The following MON2 variants were observed in gnomAD, a reference collection of about 807,000 sequenced individuals.
MON2 encodes the protein MON2 regulator of endosome-to-Golgi trafficking, also known as protein MON2 homolog.
A neutral mutation model predicts 208.6 loss-of-function variants in MON2; 84 were observed. The observed-to-expected ratio is 0.40, with a 90% CI of 0.34 to 0.48. The LOEUF (loss-of-function observed/expected upper bound fraction) is 0.48, where lower values mean the gene tolerates loss of function less well. MON2 is among the 20% of genes least tolerant of loss of function. MON2 has a pLI of 0.59. For missense variants in MON2, 1,611 were observed against 2,015.4 expected (o/e 0.80, Z 3.84); for synonymous variants, 660 against 694.0 (o/e 0.95, Z 0.77).
chr12:62,497,049 T>G (rs2070537349), intron 4 of MON2, among the ~76,000 whole-genome samples: 1 of 141,950 alleles, frequency 7.0e-6, no homozygotes. Context: ...CAGTAAACTA[T>G]CGCAAGAACA....
intron 22 of MON2, among the ~76,000 whole-genome samples, chr12:62,547,722 T>C (rs1031101800): frequency 6.6e-6 from 1 of 152,194 alleles, no homozygotes; most frequent in Non-Finnish European, 1.5e-5. Context: ...ATTTTAATAC[T>C]CTGTTTTTAC....
intron 2 of MON2, among the ~76,000 whole-genome samples, chr12:62,488,290 C>T (rs1023811227): frequency 6.6e-6 from 1 of 152,114 alleles, no homozygotes; most frequent in Non-Finnish European, 1.5e-5. Context: ...AGGCACCTAA[C>T]CCAGCCTGGG....
chr12:62,471,211 G>A (rs937972402), intron 1 of MON2, among the ~76,000 whole-genome samples: 1 of 152,064 alleles, frequency 6.6e-6, no homozygotes, highest in East Asian at 1.9e-4. Context: ...TGTTTGAGAC[G>A]GAGTCTCTGT....
intron 33 of MON2, among the ~76,000 whole-genome samples, chr12:62,586,775 A>T (rs995905918): frequency 3.9e-5 from 6 of 152,254 alleles, no homozygotes; most frequent in African/African-American, 1.4e-4. Context: ...TATTGTTAGA[A>T]CATATTTATA....
intron 1 of MON2, among the ~76,000 whole-genome samples, chr12:62,481,354 G>A (rs569415425): frequency 1.3e-4 from 20 of 151,984 alleles, no homozygotes; most frequent in South Asian, 2.1e-4. Context: ...GTGAAACCTC[G>A]TCTCTACTAA....
intron 32 of MON2, among the ~76,000 whole-genome samples, chr12:62,583,474 A>G (rs2075078269): frequency 6.6e-6 from 1 of 152,196 alleles, no homozygotes; most frequent in East Asian, 1.9e-4. Context: ...AGGAGAAGGA[A>G]TTATCAAAGA....
intron 29 of MON2, among the ~76,000 whole-genome samples, chr12:62,570,528 T>C (rs879003972): frequency 6.6e-6 from 1 of 152,046 alleles, no homozygotes; most frequent in Admixed American, 6.6e-5. Context: ...CATTAGGCCG[T>C]TTCATCGTTG....
intron 19 of MON2, 118 bp downstream of exon 19, chr12:62,538,623 C>T: frequency 1.4e-6 from 1 of 723,978 alleles, no homozygotes; most frequent in Non-Finnish European, 2.3e-6. Flanking sequence ...GGTAACCATA[C>T]TCTGTTGGGT....
chr12:62,581,114 A>G (rs920849125), intron 32 of MON2, among the ~76,000 whole-genome samples: 1 of 152,264 alleles, frequency 6.6e-6, no homozygotes, highest in African/African-American at 2.4e-5. Flanking sequence ...TCTTAGGGCT[A>G]GAGGCCAAAT....
In MON2 at chr12:62,466,976, G is replaced by A; in HGVS notation, c.-232G>A. The A allele has an allele frequency of 1.9e-6, 1 of 521,612 alleles. No individual in the cohort carries two copies. The highest frequency in any genetic ancestry group is 3.4e-6 in the Non-Finnish European group (1 of 293,946). The allele number at this position is 521,612 out of a possible 1,614,324, so 32.3% of individuals were successfully genotyped here. ...GTGGGTTTCTCGGCCAGAGTCGGCG[G>A]AGCCTAGCGGGACGGTGCGACTGCG... On this transcript the variant is annotated 5_prime_UTR_variant, in exon 1 of 35. Coordinates refer to ENST00000393630, the MANE Select transcript of MON2 (RefSeq NM_015026.3).
At position 62,467,189 on chromosome 12, in the gene MON2, G is replaced by T. The variant is rs373365293; in HGVS notation, c.-19G>T. On this transcript the variant is annotated 5_prime_UTR_variant, in exon 1 of 35. Transcript: ENST00000393630. ...GCTTGTTTGTACCTCTCGGAAATTG[G>T]CTGGGACCTTGGAGGATCATGTCCG... 4 of 1,607,062 alleles carry T rather than the reference G, an allele frequency of 2.5e-6. No homozygotes were observed. The highest frequency in any genetic ancestry group is 1.1e-5 in the South Asian group (1 of 90,908).
At chr12:62,533,362 T>C (rs1157058298) in intron 12 of MON2, among the ~76,000 whole-genome samples, 1 of 152,240 alleles carries the variant, frequency 6.6e-6, no homozygotes, top group Non-Finnish European at 1.5e-5. Flanking sequence ...AAAAATACTT[T>C]CAGATTGCTA....
intron 14 of MON2, among the ~76,000 whole-genome samples, chr12:62,536,622 G>T (rs1284934775): frequency 6.6e-6 from 1 of 151,472 alleles, no homozygotes. Flanking sequence ...ATTTTATGTT[G>T]TATAGAAAAT....
chr12:62,533,319 T>G (rs1240896450), intron 12 of MON2, among the ~76,000 whole-genome samples: 1 of 152,250 alleles, frequency 6.6e-6, no homozygotes, highest in African/African-American at 2.4e-5. Flanking sequence ...GCCTGGTTTC[T>G]TCAGTGTACA....
At chr12:62,470,251 A>C (rs540649785) in intron 1 of MON2, among the ~76,000 whole-genome samples, 8 of 152,146 alleles carry the variant, frequency 5.3e-5, no homozygotes, top group Non-Finnish European at 1.2e-4. Context: ...AAAGATTTCA[A>C]ATCTGTTAGA....
At chr12:62,545,984 C>T (rs1451970506) in intron 21 of MON2, among the ~76,000 whole-genome samples, 1 of 151,932 alleles carries the variant, frequency 6.6e-6, no homozygotes, top group Non-Finnish European at 1.5e-5. Context: ...AGTGAATGAA[C>T]CAAATAAATG....
intron 26 of MON2, among the ~76,000 whole-genome samples, chr12:62,564,481 GAA>G (rs1017870208): frequency 5.3e-5 from 8 of 150,956 alleles, no homozygotes; most frequent in Non-Finnish European, 1.2e-4. Context: ...AATACGAAAA[GAA>G]AAATTTGTGG....
chr12:62,518,847 T>TATTGTAATTG (rs2071845661), intron 8 of MON2, among the ~76,000 whole-genome samples: 1 of 152,206 alleles, frequency 6.6e-6, no homozygotes, highest in Non-Finnish European at 1.5e-5. Context: ...AATTCCTCAG[T>TATTGTAATTG]ATTGTAATTG....
intron 29 of MON2, 104 bp from the exon 30 acceptor site, chr12:62,571,265 AATGAAAATACCATCCTTTTTAAG>A (rs1358645946): frequency 1.4e-6 from 1 of 724,506 alleles, no homozygotes; most frequent in African/African-American, 1.8e-5. Flanking sequence ...ATCCTTTTTA[AATGAAAATACCATCCTTTTTAAG>A]ATGAAAATAC....
Sources: gnomAD v4.1 joint callset for allele counts (sites outside exome capture counted in the v4.1 genomes callset) on GRCh38, gnomAD v4.1.1 for gene constraint, MANE v1.5 for transcripts, NCBI Gene and HGNC (gene_info 2026-07-23, HGNC 2026-07-21) for gene names.